Variants in CCDC88C observed in about 807,000 individuals in gnomAD.
The protein encoded by CCDC88C is coiled-coil and HOOK domain protein 88C, also known as protein Daple.
A neutral mutation model predicts 198.8 loss-of-function variants in CCDC88C; 131 were observed. That is an observed-to-expected ratio of 0.66 (90% CI 0.57 to 0.76). The LOEUF (loss-of-function observed/expected upper bound fraction) is 0.76, where lower values mean the gene tolerates loss of function less well. Ranked by LOEUF, CCDC88C falls within the 30% of genes least tolerant of loss-of-function variation. The probability of loss-of-function intolerance (pLI) is 0.00; values close to 1 mark genes in which losing one functional copy is unlikely to be tolerated. For missense variants in CCDC88C, 2,553 were observed against 2,631.6 expected, an observed-to-expected ratio of 0.97 and a Z score of 0.65; for synonymous variants, 1,166 against 1,114.7, an observed-to-expected ratio of 1.05 and a Z score of -0.92.
intron 2 of CCDC88C, among the ~76,000 whole-genome samples, chr14:91,409,426 C>G (rs1382866409): frequency 6.6e-6 from 1 of 151,814 alleles, no homozygotes; most frequent in African/African-American, 2.4e-5. Flanking sequence ...CCTCCTGCCT[C>G]AGACCCCCAA....
intron 22 of CCDC88C, among the ~76,000 whole-genome samples, 158 bp from the exon 23 acceptor site, chr14:91,294,476 G>A (rs940144110): frequency 3.9e-5 from 6 of 152,226 alleles, no homozygotes; most frequent in African/African-American, 7.2e-5. Context: ...GGCCAATAAC[G>A]TGGGAATGGC....
chr14:91,331,525 C>G (rs187787917), intron 10 of CCDC88C, among the ~76,000 whole-genome samples: 2 of 150,756 alleles, frequency 1.3e-5, no homozygotes, highest in Non-Finnish European at 3.0e-5. Flanking sequence ...CATGTGCACA[C>G]GTGTGTGTGC....
Position 91,338,370 on chromosome 14 carries a change from C to G in CCDC88C, c.891+119G>C. 9.9e-7 allele frequency: 1 copy of G among 1,013,762 alleles called. No individual in the cohort carries two copies. The allele number at this position is 1,013,762 out of a possible 1,614,324, so 62.8% of individuals were successfully genotyped here. On this transcript the variant is annotated intron_variant, in intron 9 of 29. Coordinates refer to ENST00000389857, the MANE Select transcript of CCDC88C (RefSeq NM_001080414.4). This position sits in a 1 kb window ranked among gnomAD's most constrained non-coding sequence, Gnocchi z 4.8. ...GTCATCCCCATAGCCGTGCTCAGGA[C>G]AAGTGGCTCTTGTGTGGCTTAAAAG... is the stretch of plus-strand genomic sequence containing the variant.
chr14:91,409,169 A>G (rs1409333611), intron 2 of CCDC88C, among the ~76,000 whole-genome samples: 1 of 140,256 alleles, frequency 7.1e-6, no homozygotes, highest in Non-Finnish European at 1.5e-5. Context: ...CAAGAAAGAC[A>G]GAAGGAGAAA....
chr14:91,345,916 T>C (rs1893523796), intron 4 of CCDC88C, among the ~76,000 whole-genome samples: 1 of 151,492 alleles, frequency 6.6e-6, no homozygotes, highest in East Asian at 1.9e-4. Flanking sequence ...ATGTGCAGGG[T>C]TCCCTTTCAG....
chr14:91,322,740 C>T (rs1892406975), intron 12 of CCDC88C, among the ~76,000 whole-genome samples: 1 of 152,114 alleles, frequency 6.6e-6, no homozygotes. Flanking sequence ...GCAACCATCA[C>T]CACCATCCCT....
At chr14:91,363,985 T>A (rs1381936766) in intron 3 of CCDC88C, among the ~76,000 whole-genome samples, 1 of 152,272 alleles carries the variant, frequency 6.6e-6, no homozygotes. Context: ...GCCAGCCACC[T>A]GTGAGGCAGG....
At chr14:91,369,150 C>T (rs1596121166) in intron 3 of CCDC88C, among the ~76,000 whole-genome samples, 1 of 152,214 alleles carries the variant, frequency 6.6e-6, no homozygotes, top group African/African-American at 2.4e-5. Flanking sequence ...TCACCTCATG[C>T]CCAAAGCCAG....
chr14:91,395,938 G>A (rs1885813712), intron 3 of CCDC88C, among the ~76,000 whole-genome samples: 1 of 152,122 alleles, frequency 6.6e-6, no homozygotes, highest in South Asian at 2.1e-4. Flanking sequence ...CAGAACTGGG[G>A]GTACAGAGTG....
chr14:91,341,716 G>GAT (rs1893316411), intron 6 of CCDC88C, among the ~76,000 whole-genome samples: 2 of 152,180 alleles, frequency 1.3e-5, no homozygotes, highest in East Asian at 3.9e-4. Flanking sequence ...CCTGGATACC[G>GAT]CCCCCTAGGG....
At position 91,300,224 on chromosome 14, in the gene CCDC88C, G is replaced by C. The variant is rs531208792; in HGVS notation, c.3636-154C>G. ...GTGAGGGGCATGGGGCAGGGAACAG[G>C]CGGGGAGCGCAGCCACTGGGAGCCA... On this transcript the variant is annotated intron_variant, in intron 20 of 29. Coordinates refer to ENST00000389857, the MANE Select transcript of CCDC88C (RefSeq NM_001080414.4). 2.6e-5 allele frequency among the ~76,000 whole-genome samples: 4 copies of C among 152,324 alleles called. No homozygotes were observed. The South Asian group carries it at 8.3e-4, about 32-fold the overall frequency.
chr14:91,337,609 G>T (rs1229247915), intron 10 of CCDC88C, among the ~76,000 whole-genome samples: 6 of 152,242 alleles, frequency 3.9e-5, no homozygotes, highest in Non-Finnish European at 8.8e-5. Context: ...CCAAAGTGCT[G>T]GGAATATAGG....
At chr14:91,327,353 G>GGCTT (rs1013880474) in intron 10 of CCDC88C, among the ~76,000 whole-genome samples, 2 of 152,208 alleles carry the variant, frequency 1.3e-5, no homozygotes, top group Non-Finnish European at 2.9e-5. Flanking sequence ...GGCGGTGAGG[G>GGCTT]GCTTGGCCAT....
At chr14:91,320,356 T>A (rs1393977648) in intron 13 of CCDC88C, among the ~76,000 whole-genome samples, 1 of 152,130 alleles carries the variant, frequency 6.6e-6, no homozygotes, top group East Asian at 1.9e-4. Flanking sequence ...AAGGACTTGG[T>A]CAAAAAGTGT....
intron 17 of CCDC88C, 141 bp from the exon 18 acceptor site, chr14:91,307,367 G>A (rs1005812030): frequency 1.2e-5 from 8 of 657,650 alleles, no homozygotes; most frequent in East Asian, 8.3e-5. Flanking sequence ...AGCCAGACGC[G>A]CTCCTTTTCT....
intron 3 of CCDC88C, among the ~76,000 whole-genome samples, chr14:91,363,764 G>A (rs562085566): frequency 2.6e-5 from 4 of 152,334 alleles, no homozygotes; most frequent in South Asian, 2.1e-4. Flanking sequence ...GGCCACATGC[G>A]ACTGGTGGCT....
intron 27 of CCDC88C, 151 bp downstream of exon 27, chr14:91,281,306 C>G: frequency 1.3e-6 from 2 of 1,527,302 alleles, no homozygotes; most frequent in Non-Finnish European, 1.8e-6. Context: ...CACGCTCAGC[C>G]CCCTGGGGAG....
At position 91,339,437 on chromosome 14, in the gene CCDC88C, C is replaced by G. The variant is rs201236555; in HGVS notation, c.650G>C (p.Arg217Pro). The G allele has an allele frequency of 6.2e-7, 1 of 1,607,046 alleles. No homozygotes were observed. Among genetic ancestry groups the G allele is most frequent in the Non-Finnish European group, 8.5e-7 (1 of 1,174,464 alleles). Residue 217 changes from arginine to proline, a missense_variant, in exon 8 of 30, where the codon CGG (arginine) becomes CCG (proline). Physicochemically the swap from Arg to Pro is moderately radical, Grantham distance 103. Around this residue, in one of 2 missense-constraint regions of CCDC88C, gnomAD observed 1,260 missense variants for 1,412.0 expected, o/e 0.89. Coordinates refer to ENST00000389857, the MANE Select transcript of CCDC88C (RefSeq NM_001080414.4). The surrounding 1 kb of genome is among the most constrained non-coding windows in gnomAD (Gnocchi z 5.8). ...TELIVDLTQE[R>P]DYLQAQHPPS... is the part of the protein sequence containing the mutation. Reference sequence around the variant, plus strand: ...TGGATGCTGTGCCTGCAGGTAGTCCCGTTCCTGAGTGAGGTCCACGATCAG... The same window carrying G: ...TGGATGCTGTGCCTGCAGGTAGTCCGGTTCCTGAGTGAGGTCCACGATCAG...
chr14:91,379,801 C>T (rs1884670437), intron 3 of CCDC88C: 2 of 702,890 alleles, frequency 2.8e-6, no homozygotes, highest in South Asian at 3.0e-5. Flanking sequence ...CTGTCCACTT[C>T]CACTGGGTTT....
Sources: gnomAD v4.1 joint callset for allele counts (sites outside exome capture counted in the v4.1 genomes callset) on GRCh38, gnomAD v4.1.1 for gene constraint, gnomAD v4.1.1 regional missense constraint, Gnocchi (gnomAD v3.1) non-coding constraint, MANE v1.5 for transcripts, NCBI Gene and HGNC (gene_info 2026-07-23, HGNC 2026-07-21) for gene names.